The following FAM135B variants were observed in gnomAD, a reference collection of about 807,000 sequenced individuals.
FAM135B encodes the protein protein FAM135B.
A neutral mutation model predicts 127.7 loss-of-function variants in FAM135B; 43 were observed. That is an observed-to-expected ratio of 0.34 (90% CI 0.26 to 0.43). FAM135B has a LOEUF of 0.43. FAM135B is among the 20% of genes least tolerant of loss of function. The pLI, the probability that FAM135B is intolerant of heterozygous loss-of-function variation, is 1.00. For missense variants in FAM135B, 1,558 were observed against 1,725.6 expected (o/e 0.90, Z 1.72); for synonymous variants, 670 against 665.1 (o/e 1.01, Z -0.11).
Position 138,153,226 on chromosome 8 carries a change from A to T in FAM135B, c.1259-10T>A. The T allele has an allele frequency of 6.6e-7, 1 of 1,515,438 alleles. No homozygotes were observed. The highest frequency in any genetic ancestry group is 8.8e-7 in the Non-Finnish European group (1 of 1,130,124). The allele number at this position is 1,515,438 out of a possible 1,614,324, so 93.9% of individuals were successfully genotyped here. A position where few individuals can be genotyped will look rare whatever the true frequency, so the allele number is the denominator to read the frequency against. On this transcript the variant is annotated splice_polypyrimidine_tract_variant and intron_variant, in intron 12 of 19. Coordinates refer to ENST00000395297, the MANE Select transcript of FAM135B (RefSeq NM_015912.4). ...ACACTCAAGTTATGCCCTACAAAAA[A>T]AAAAGAAAGAAAATTATATTATAGT...
intron 2 of FAM135B, among the ~76,000 whole-genome samples, chr8:138,367,590 C>A (rs958997370): frequency 6.6e-6 from 1 of 152,040 alleles, no homozygotes; most frequent in African/African-American, 2.4e-5. Flanking sequence ...CACAGGCAAG[C>A]TTCATTTTCC....
chr8:138,442,267 T>TATATATATATATGC lies in FAM135B; in HGVS notation c.-20+54403_-20+54404insGCATATATATATAT, dbSNP rs34280434. On this transcript the variant is annotated intron_variant, in intron 1 of 19. Transcript: ENST00000395297. ...ATATATATATATATATATATATATA[T>TATATATATATATGC]ATATATATATGAAAAACCTTGGCAG... is the stretch of plus-strand genomic sequence containing the variant. Among the ~76,000 whole-genome samples the TATATATATATATGC allele has an allele frequency of 7.0e-4, 61 of 86,744 alleles. 1 individual carries two copies. The highest frequency in any genetic ancestry group is 2.6e-3 in the African/African-American group (58 of 22,394). 56.9% of individuals were successfully genotyped at this position (86,744 alleles called of 152,430 possible). A position where few individuals can be genotyped will look rare whatever the true frequency, so the allele number is the denominator to read the frequency against.
intron 1 of FAM135B, among the ~76,000 whole-genome samples, chr8:138,415,516 C>T (rs1235242484): frequency 1.3e-5 from 2 of 152,110 alleles, no homozygotes; most frequent in Non-Finnish European, 2.9e-5. Context: ...AACCTGAGAC[C>T]CAGGGATGGG....
chr8:138,339,427 C>A (rs1026806558), intron 2 of FAM135B, among the ~76,000 whole-genome samples: 1 of 151,192 alleles, frequency 6.6e-6, no homozygotes, highest in Non-Finnish European at 1.5e-5. Context: ...AACTCCTCCC[C>A]CACCACCCCC....
At chr8:138,469,257 A>C (rs1233770447) in intron 1 of FAM135B, among the ~76,000 whole-genome samples, 1 of 152,166 alleles carries the variant, frequency 6.6e-6, no homozygotes, top group African/African-American at 2.4e-5. Context: ...GAAAAGAAGA[A>C]GAAAACATGA....
chr8:138,204,123 G>C (rs1273649626), intron 7 of FAM135B, among the ~76,000 whole-genome samples: 1 of 152,212 alleles, frequency 6.6e-6, no homozygotes, highest in Non-Finnish European at 1.5e-5. Context: ...GCCAGTACCT[G>C]TCTGTGTCCC....
chr8:138,217,675 C>T (rs1052419339), intron 7 of FAM135B, among the ~76,000 whole-genome samples: 1 of 152,136 alleles, frequency 6.6e-6, no homozygotes, highest in Admixed American at 6.5e-5. Context: ...TTGTGATCCG[C>T]TCGCCTCAGC....
chr8:138,278,553 ATTTTTTT>A (rs557719866), intron 3 of FAM135B, among the ~76,000 whole-genome samples: 1 of 60,470 alleles, frequency 1.7e-5, no homozygotes, highest in Non-Finnish European at 2.9e-5. Context: ...TAAGAACATG[ATTTTTTT>A]TTTTTTTTTT....
At chr8:138,186,824 C>T (rs1327752343) in intron 9 of FAM135B, among the ~76,000 whole-genome samples, 1 of 152,170 alleles carries the variant, frequency 6.6e-6, no homozygotes, top group Admixed American at 6.5e-5. Flanking sequence ...GCGTCCTAAC[C>T]CCTGAATCTC....
chr8:138,263,004 A>G (rs1822655133), intron 4 of FAM135B, among the ~76,000 whole-genome samples: 1 of 151,482 alleles, frequency 6.6e-6, no homozygotes, highest in Non-Finnish European at 1.5e-5. Flanking sequence ...AAGCAGAGAC[A>G]GCGGTTATCA....
At chr8:138,307,656 T>C (rs1266937777) in intron 3 of FAM135B, among the ~76,000 whole-genome samples, 1 of 151,434 alleles carries the variant, frequency 6.6e-6, no homozygotes, top group Non-Finnish European at 1.5e-5. Flanking sequence ...TCAAGCACTA[T>C]GCTAGGGGCT....
chr8:138,183,646 A>ATGTTCAAGG (rs1815286749), intron 9 of FAM135B, among the ~76,000 whole-genome samples: 2 of 152,282 alleles, frequency 1.3e-5, no homozygotes, highest in South Asian at 4.1e-4. Context: ...TTTCCTTCCG[A>ATGTTCAAGG]TGTTCAAGGA....
At chr8:138,292,542 T>C (rs1168587177) in intron 3 of FAM135B, among the ~76,000 whole-genome samples, 1 of 152,082 alleles carries the variant, frequency 6.6e-6, no homozygotes, top group African/African-American at 2.4e-5. Flanking sequence ...AAAATGGACA[T>C]ACTGCCCAAA....
At chr8:138,268,314 C>T (rs1394929821) in intron 3 of FAM135B, among the ~76,000 whole-genome samples, 1 of 152,056 alleles carries the variant, frequency 6.6e-6, no homozygotes, top group Non-Finnish European at 1.5e-5. Flanking sequence ...TATCATTGGC[C>T]ACATTTTTAT....
intron 3 of FAM135B, among the ~76,000 whole-genome samples, chr8:138,280,807 T>G (rs1385146813): frequency 6.6e-6 from 1 of 152,146 alleles, no homozygotes; most frequent in Admixed American, 6.6e-5. Flanking sequence ...TTCCAAGCAG[T>G]GTCTCCCCAA....
intron 2 of FAM135B, among the ~76,000 whole-genome samples, chr8:138,337,856 C>T (rs1828727797): frequency 6.6e-6 from 1 of 152,184 alleles, no homozygotes; most frequent in South Asian, 2.1e-4. Context: ...TGACTTCAAA[C>T]TATACTGCAA....
chr8:138,234,163 C>A (rs558661785), intron 7 of FAM135B, among the ~76,000 whole-genome samples: 1 of 151,986 alleles, frequency 6.6e-6, no homozygotes, highest in South Asian at 2.1e-4. Flanking sequence ...ATGAATTAAA[C>A]TTGTCAACAC....
At chr8:138,458,084 A>G (rs1174902829) in intron 1 of FAM135B, among the ~76,000 whole-genome samples, 2 of 152,104 alleles carry the variant, frequency 1.3e-5, no homozygotes, top group East Asian at 1.9e-4. Context: ...CCTGGGAGGA[A>G]GAGGTTGCCG....
At position 138,242,169 on chromosome 8, in the gene FAM135B, G is replaced by C. The variant is rs1820849311; in HGVS notation, c.669+773C>G. On this transcript the variant is annotated intron_variant, in intron 7 of 19. Coordinates refer to ENST00000395297, the MANE Select transcript of FAM135B (RefSeq NM_015912.4). The surrounding 1 kb of genome is among the most constrained non-coding windows in gnomAD (Gnocchi z 9.6). Reference sequence around the variant, plus strand: ...AATTACTTATGATAAATCTCTTTGTGTGTGTGTGTGTGTGTGTGTGTGTGT... The same window carrying C: ...AATTACTTATGATAAATCTCTTTGTCTGTGTGTGTGTGTGTGTGTGTGTGT... Among the ~76,000 whole-genome samples, 1 of 46,000 alleles carries C rather than the reference G, an allele frequency of 2.2e-5. No homozygotes were observed. Among genetic ancestry groups the C allele is most frequent in the Non-Finnish European group, 5.2e-5 (1 of 19,116 alleles). The allele number at this position is 46,000 out of a possible 152,430, so 30.2% of individuals were successfully genotyped here.
Sources: allele counts gnomAD v4.1 joint callset (sites outside exome capture counted in the v4.1 genomes callset), GRCh38; gene constraint gnomAD v4.1.1; non-coding constraint Gnocchi (gnomAD v3.1); transcripts MANE v1.5; gene names NCBI Gene and HGNC (gene_info 2026-07-23, HGNC 2026-07-21).